DPP8: variants seen among roughly 807,000 people sequenced by gnomAD.
DPP8 encodes dipeptidyl peptidase 8.
DPP8 carries 31 observed loss-of-function variants against 107.5 expected under a neutral mutation model. That is an observed-to-expected ratio of 0.29 (90% confidence interval 0.22 to 0.39). The LOEUF (loss-of-function observed/expected upper bound fraction) is 0.39. Ranked by LOEUF, DPP8 falls within the 10% of genes least tolerant of loss-of-function variation. The pLI is 1.00. For synonymous variants in DPP8, 381 were observed against 356.6 expected (o/e 1.07, Z -0.77); for missense variants, 842 against 1,076.1 (o/e 0.78, Z 3.04).
intron 13 of DPP8, 97 bp downstream of exon 13, chr15:65,466,973 TA>T: frequency 3.3e-6 from 5 of 1,493,044 alleles, no homozygotes; most frequent in Admixed American, 2.0e-5. Context: ...CTTAGAGAAT[TA>T]GGCTTTTGCA....
chr15:65,512,690 C>G, intron 1 of DPP8, 126 bp from the exon 2 acceptor site: 3 of 887,038 alleles, frequency 3.4e-6, no homozygotes, highest in South Asian at 1.7e-5. Flanking sequence ...TTTAGCACAG[C>G]TGCAATGAAA....
intron 9 of DPP8, among the ~76,000 whole-genome samples, 191 bp from the exon 10 acceptor site, chr15:65,480,590 A>G (rs887181172): frequency 4.6e-5 from 7 of 152,236 alleles, no homozygotes; most frequent in Non-Finnish European, 8.8e-5. Flanking sequence ...GAATTTATAA[A>G]AAGTGGCTTT....
At chr15:65,490,543 A>C (rs538668958) in intron 5 of DPP8, among the ~76,000 whole-genome samples, 1 of 142,258 alleles carries the variant, frequency 7.0e-6, no homozygotes, top group African/African-American at 2.5e-5. Context: ...ATGAAGATTA[A>C]ATTAATTAAT....
intron 12 of DPP8, 82 bp from the exon 13 acceptor site, chr15:65,467,305 G>A (rs1299485738): frequency 5.0e-6 from 7 of 1,395,716 alleles, no homozygotes; most frequent in South Asian, 1.2e-5. Flanking sequence ...ACAATCACTT[G>A]AGCCACTCCT....
intron 7 of DPP8, among the ~76,000 whole-genome samples, chr15:65,487,429 G>A (rs1463937599): frequency 6.6e-6 from 1 of 152,258 alleles, no homozygotes; most frequent in Admixed American, 6.5e-5. Flanking sequence ...GATTACAGAC[G>A]TGAGCTACCA....
intron 7 of DPP8, 31 bp from the exon 8 acceptor site, chr15:65,485,191 TTTA>T (rs780078835): frequency 6.6e-6 from 10 of 1,504,306 alleles, no homozygotes; most frequent in Non-Finnish European, 9.2e-6. Context: ...GATAGTAATG[TTTA>T]TCCAAAATTA....
At chr15:65,464,179 C>T (rs1411339264) in intron 14 of DPP8, among the ~76,000 whole-genome samples, 9 of 151,918 alleles carry the variant, frequency 5.9e-5, no homozygotes, top group African/African-American at 2.2e-4. Context: ...CTGGCTAACA[C>T]GGTGAAACCC....
At chr15:65,466,264 G>C (rs2065341124) in intron 14 of DPP8, among the ~76,000 whole-genome samples, 1 of 152,014 alleles carries the variant, frequency 6.6e-6, no homozygotes, top group African/African-American at 2.4e-5. Flanking sequence ...TCAGCCTCCT[G>C]AGTAGCTGGG....
chr15:65,450,534 G>T (rs533191438), intron 19 of DPP8, among the ~76,000 whole-genome samples: 1 of 152,246 alleles, frequency 6.6e-6, no homozygotes, highest in South Asian at 2.1e-4. Flanking sequence ...AGAAAAACTG[G>T]AATAAGGAGC....
chr15:65,490,250 A>G lies in DPP8; in HGVS notation c.765T>C (p.Phe255=). 6.2e-7 allele frequency: 1 copy of G among 1,613,954 alleles called. No homozygotes were observed. The highest frequency in any genetic ancestry group is 8.5e-7 in the Non-Finnish European group (1 of 1,179,818). The change falls in exon 6 of 20, where the codon TTT becomes TTC. Residue 255 remains phenylalanine, a synonymous_variant. Transcript: ENST00000300141. ...EDARSAGVAT[F]VLQEEFDRYS... ...ATCTATCAAATTCTTCTTGGAGAAC[A>G]AAGGTAGCGACTCCAGCTGATCTGG...
chr15:65,469,498 C>G (rs2065657988), intron 12 of DPP8, among the ~76,000 whole-genome samples: 1 of 151,024 alleles, frequency 6.6e-6, no homozygotes, highest in Admixed American at 6.6e-5. Flanking sequence ...ACTAAAAACA[C>G]AAAAATTAGC....
At chr15:65,489,251 GC>G (rs1567234415) in intron 6 of DPP8, among the ~76,000 whole-genome samples, 1 of 151,820 alleles carries the variant, frequency 6.6e-6, no homozygotes, top group African/African-American at 2.4e-5. Context: ...GAGTCACTGC[GC>G]CCAGCCAAGG....
rs541104231 is a variant in DPP8 at position 65,442,792 on chromosome 15, A to G, written c.*4092T>C. ...CACCTAGAGCCCAGGACCTTGCACT[A>G]ACATCTCTATATTTGAGGCTGGAAG... is the stretch of plus-strand genomic sequence containing the variant. On this transcript the variant is annotated 3_prime_UTR_variant, in exon 20 of 20. Transcript: ENST00000300141. 6.6e-6 allele frequency: 1 copy of G among 152,334 alleles called. No individual in the cohort carries two copies. Among genetic ancestry groups the G allele is most frequent in the Non-Finnish European group, 1.5e-5 (1 of 68,024 alleles). The allele number at this position is 152,334 out of a possible 1,614,324, so 9.4% of individuals were successfully genotyped here.
chr15:65,475,202 C>A, intron 11 of DPP8: 1 of 458,374 alleles, frequency 2.2e-6, no homozygotes, highest in Non-Finnish European at 4.0e-6. Context: ...GATATTTCTG[C>A]CAGGATACTC....
chr15:65,470,760 A>G lies in DPP8; in HGVS notation c.1536+3449T>C, dbSNP rs539730619. ...ATGGCAAAACCCTGTCTCTACTAAA[A>G]ATACAAAAATTAGCTGGGCATGGTG... On this transcript the variant is annotated intron_variant, in intron 12 of 19. Coordinates refer to ENST00000300141, the MANE Select transcript of DPP8 (RefSeq NM_130434.5). Among the ~76,000 whole-genome samples the G allele has an allele frequency of 6.6e-4, 100 of 152,120 alleles. 1 individual carries two copies. In the South Asian group the frequency reaches 0.02, roughly 30 times the overall value.
In DPP8 at chr15:65,442,500, A is replaced by G. The variant is rs2063333010; in HGVS notation, c.*4384T>C. ...AGCAGCATCTTTATTGCAACAAAGAACCTGTAATAAAATGCAAGAAAACTA... is the reference window on the plus strand; with the variant it reads ...AGCAGCATCTTTATTGCAACAAAGAGCCTGTAATAAAATGCAAGAAAACTA... On this transcript the variant is annotated 3_prime_UTR_variant, in exon 20 of 20. Transcript: ENST00000300141. 1 of 152,224 alleles carries G rather than the reference A, an allele frequency of 6.6e-6. No homozygotes were observed. The highest frequency in any genetic ancestry group is 2.4e-5 in the African/African-American group (1 of 41,452). The allele number at this position is 152,224 out of a possible 1,614,324, so 9.4% of individuals were successfully genotyped here.
At position 65,512,277 on chromosome 15, in the gene DPP8, C is replaced by T; in HGVS notation, c.259+18G>A. 6.3e-7 allele frequency: 1 copy of T among 1,585,126 alleles called. No homozygotes were observed. On this transcript the variant is annotated intron_variant, in intron 2 of 19. Transcript: ENST00000300141. ...TTAAGAGATCATTTTCTCTCAGAAA[C>T]TACAACTTCGTACTCACCAAGGTAA...
chr15:65,485,083 A>T lies in DPP8; in HGVS notation c.1017+16T>A, dbSNP rs752831378. 1.3e-6 allele frequency: 2 copies of T among 1,596,032 alleles called. No homozygotes were observed. The highest frequency in any genetic ancestry group is 1.7e-6 in the Non-Finnish European group (2 of 1,163,522). On this transcript the variant is annotated intron_variant, in intron 8 of 19. Coordinates refer to ENST00000300141, the MANE Select transcript of DPP8 (RefSeq NM_130434.5). ...GTCAAATGACGCAGAAGGTCAACTC[A>T]GCATTTTATACTTACCCTTCCTTCA... is the stretch of plus-strand genomic sequence containing the variant.
rs572028970 is a variant in DPP8 at position 65,479,844 on chromosome 15, C to T, written c.1296+378G>A. On this transcript the variant is annotated intron_variant, in intron 10 of 19. Coordinates refer to ENST00000300141, the MANE Select transcript of DPP8 (RefSeq NM_130434.5). Reference sequence around the variant, plus strand: ...CTGGCCTGGGCGACAGAGCGAGACTCCGTCTCAAAAAAAAAAAAAAAAAAA... The same window carrying T: ...CTGGCCTGGGCGACAGAGCGAGACTTCGTCTCAAAAAAAAAAAAAAAAAAA... 8.4e-3 allele frequency among the ~76,000 whole-genome samples: 988 copies of T among 117,970 alleles called. 13 individuals are homozygous for T. Among genetic ancestry groups the T allele is most frequent in the African/African-American group, 0.037 (943 of 25,802 alleles). 77.4% of individuals were successfully genotyped at this position (117,970 alleles called of 152,430 possible).
Sources: gnomAD v4.1 joint callset for allele counts (sites outside exome capture counted in the v4.1 genomes callset) on GRCh38, gnomAD v4.1.1 for gene constraint, MANE v1.5 for transcripts, NCBI Gene and HGNC (gene_info 2026-07-23, HGNC 2026-07-21) for gene names.